SORCS2: variants seen among roughly 807,000 people sequenced by gnomAD.
SORCS2 encodes VPS10 domain-containing receptor SorCS2.
Under a neutral mutation model 141.6 loss-of-function variants are expected in SORCS2, and 100 were observed. The ratio of observed to expected loss-of-function variants is 0.71; its 90% CI spans 0.60 to 0.83. The LOEUF (loss-of-function observed/expected upper bound fraction) is 0.83, where lower values mean the gene tolerates loss of function less well. Ranked by LOEUF, SORCS2 falls within the 40% of genes least tolerant of loss-of-function variation. SORCS2 has a pLI of 0.00. For synonymous variants in SORCS2, 789 were observed against 676.9 expected (o/e 1.17, Z -2.57); for missense variants, 1,646 against 1,560.2 (o/e 1.05, Z -0.93).
intron 3 of SORCS2, among the ~76,000 whole-genome samples, chr4:7,579,172 T>C (rs555117600): frequency 1.3e-5 from 2 of 152,368 alleles, no homozygotes; most frequent in African/African-American, 4.8e-5. Flanking sequence ...CATACTTTTG[T>C]GTTTCTTCAA....
intron 1 of SORCS2, among the ~76,000 whole-genome samples, chr4:7,259,858 A>T (rs1714198060): frequency 6.6e-6 from 1 of 152,216 alleles, no homozygotes; most frequent in Admixed American, 6.5e-5. Context: ...GGAGGACTGG[A>T]GATTTGCTCA....
In SORCS2 at chr4:7,733,302, TG is replaced by T. The variant is rs1711854284; in HGVS notation, c.3109-19del. Reference sequence around the variant, plus strand: ...GAGCCTCCATGGAGGCCTCACTCACTGTCCCCTCTGTGCTTGCAGAGGCTCG... The same window carrying T: ...GAGCCTCCATGGAGGCCTCACTCACTTCCCCTCTGTGCTTGCAGAGGCTCG... On this transcript the variant is annotated intron_variant, in intron 23 of 26. Coordinates refer to ENST00000507866, the MANE Select transcript of SORCS2 (RefSeq NM_020777.3). 3.3e-6 allele frequency: 5 copies of T among 1,526,312 alleles called. No individual in the cohort carries two copies. The highest frequency in any genetic ancestry group is 4.4e-6 in the Non-Finnish European group (5 of 1,130,402). The allele number at this position is 1,526,312 out of a possible 1,614,324, so 94.5% of individuals were successfully genotyped here. A position where few individuals can be genotyped will look rare whatever the true frequency, so the allele number is the denominator to read the frequency against.
At chr4:7,396,636 C>T (rs1724233851) in intron 2 of SORCS2, among the ~76,000 whole-genome samples, 1 of 152,182 alleles carries the variant, frequency 6.6e-6, no homozygotes, top group Non-Finnish European at 1.5e-5. Flanking sequence ...TTTTTCCTCC[C>T]CGGAGGAGGA....
rs1300348586 is a variant in SORCS2 at position 7,740,493 on chromosome 4, C to T, written c.*229C>T. 12 of 562,460 alleles carry T rather than the reference C, an allele frequency of 2.1e-5. No homozygotes were observed. Among genetic ancestry groups the T allele is most frequent in the African/African-American group, 5.6e-5 (3 of 53,112 alleles). The allele number at this position is 562,460 out of a possible 1,614,324, so 34.8% of individuals were successfully genotyped here. A position where few individuals can be genotyped will look rare whatever the true frequency, so the allele number is the denominator to read the frequency against. ...GACATGGCCCTGCCCCTATGGGACA[C>T]CAGGCCTGACTCAGGCAGGTTCTGC... On this transcript the variant is annotated 3_prime_UTR_variant, in exon 27 of 27. Transcript: ENST00000507866.
intron 1 of SORCS2, among the ~76,000 whole-genome samples, chr4:7,217,752 A>C (rs1484758047): frequency 6.6e-6 from 1 of 152,170 alleles, no homozygotes; most frequent in Non-Finnish European, 1.5e-5. Flanking sequence ...AAAGTCTCCA[A>C]CTGTTAAATA....
In SORCS2 at chr4:7,725,387, C is replaced by T. The variant is rs575941576; in HGVS notation, c.2745+100C>T. 3.4e-6 allele frequency: 5 copies of T among 1,467,336 alleles called. No individual in the cohort carries two copies. In the African/African-American group the frequency reaches 4.2e-5, roughly 12 times the overall value. 90.9% of individuals were successfully genotyped at this position (1,467,336 alleles called of 1,614,324 possible). A position where few individuals can be genotyped will look rare whatever the true frequency, so the allele number is the denominator to read the frequency against. ...GCCCCAGGTTTTCAGCAGAAGGAACCAGTGTAGGGTGCACTCCTCACCCTT... is the reference window on the plus strand; with the variant it reads ...GCCCCAGGTTTTCAGCAGAAGGAACTAGTGTAGGGTGCACTCCTCACCCTT... On this transcript the variant is annotated intron_variant, in intron 20 of 26. Transcript: ENST00000507866.
intron 2 of SORCS2, among the ~76,000 whole-genome samples, chr4:7,529,178 G>C (rs1577702690): frequency 6.6e-6 from 1 of 152,070 alleles, no homozygotes; most frequent in South Asian, 2.1e-4. Context: ...TCCCCAGCCA[G>C]GCACAACCTC....
rs1301316321 is a variant in SORCS2 at position 7,663,763 on chromosome 4, C to T, written c.953-590C>T. The stretch of plus-strand genomic sequence containing the variant: ...GAGGAGGAGGAGGAGGCACCCTTCC[C>T]TTGGTCCCCTTGGATAAATCTTCCT... On this transcript the variant is annotated intron_variant, in intron 6 of 26. Transcript: ENST00000507866. This position sits in a 1 kb window ranked among gnomAD's most constrained non-coding sequence, Gnocchi z 4.8. Among the ~76,000 whole-genome samples the T allele has an allele frequency of 6.6e-6, 1 of 152,172 alleles. No individual in the cohort carries two copies. Among genetic ancestry groups the T allele is most frequent in the Admixed American group, 6.5e-5 (1 of 15,286 alleles).
chr4:7,365,125 C>T (rs1226689587), intron 1 of SORCS2, among the ~76,000 whole-genome samples: 1 of 152,212 alleles, frequency 6.6e-6, no homozygotes, highest in East Asian at 1.9e-4. Context: ...TGTTAGAGAG[C>T]TGAGTGGGTC....
chr4:7,652,581 G>A (rs1026944974), intron 4 of SORCS2, among the ~76,000 whole-genome samples: 3 of 152,044 alleles, frequency 2.0e-5, no homozygotes, highest in Non-Finnish European at 4.4e-5. Flanking sequence ...CAGGTTCCGG[G>A]GCACAGATCC....
chr4:7,636,438 G>A (rs536157793), intron 3 of SORCS2, among the ~76,000 whole-genome samples: 12 of 152,324 alleles, frequency 7.9e-5, no homozygotes, highest in African/African-American at 2.4e-4. Context: ...TTGTAGGATC[G>A]GAGCGGGGGG....
At chr4:7,398,215 A>G (rs1724345107) in intron 2 of SORCS2, among the ~76,000 whole-genome samples, 1 of 152,112 alleles carries the variant, frequency 6.6e-6, no homozygotes, top group Non-Finnish European at 1.5e-5. Context: ...GCCCAAAACC[A>G]CTTACAGGCT....
intron 3 of SORCS2, among the ~76,000 whole-genome samples, chr4:7,590,011 G>T (rs1053350396): frequency 6.6e-6 from 1 of 152,268 alleles, no homozygotes; most frequent in South Asian, 2.1e-4. Context: ...AGAGAGAAAG[G>T]GCTGGAGGAT....
intron 1 of SORCS2, among the ~76,000 whole-genome samples, chr4:7,216,030 T>C (rs1728330295): frequency 6.6e-6 from 1 of 152,196 alleles, no homozygotes; most frequent in South Asian, 2.1e-4. Flanking sequence ...TAAATCTTGC[T>C]ACTGCTCACT....
chr4:7,725,432 TGA>T lies in SORCS2; in HGVS notation c.2745+149_2745+150del, dbSNP rs929145115. On this transcript the variant is annotated intron_variant, in intron 20 of 26. Transcript: ENST00000507866. Reference sequence around the variant, plus strand: ...ACCCTTGGGCCCCTCCTGGGGCAGTTGAGAGGGGCACACCCTCCGTGGGTGCC... The same window carrying T: ...ACCCTTGGGCCCCTCCTGGGGCAGTTGAGGGGCACACCCTCCGTGGGTGCC... The T allele has an allele frequency of 2.5e-6, 3 of 1,221,492 alleles. No homozygotes were observed. The African/African-American group carries it at 4.6e-5, about 19-fold the overall frequency. The allele number at this position is 1,221,492 out of a possible 1,614,324, so 75.7% of individuals were successfully genotyped here.
At chr4:7,346,032 T>C (rs1231702873) in intron 1 of SORCS2, among the ~76,000 whole-genome samples, 1 of 152,224 alleles carries the variant, frequency 6.6e-6, no homozygotes, top group African/African-American at 2.4e-5. Context: ...TTTTTCTGTG[T>C]AGTTTTTCTG....
At chr4:7,368,128 G>A (rs1302193993) in intron 1 of SORCS2, among the ~76,000 whole-genome samples, 1 of 152,196 alleles carries the variant, frequency 6.6e-6, no homozygotes, top group African/African-American at 2.4e-5. Context: ...GGGTGGTGGT[G>A]CTGGGTTGAT....
intron 3 of SORCS2, among the ~76,000 whole-genome samples, chr4:7,584,045 A>G (rs1226459898): frequency 1.3e-5 from 2 of 152,252 alleles, no homozygotes; most frequent in Non-Finnish European, 2.9e-5. Flanking sequence ...GAGATGATGC[A>G]TGTGACTGTG....
intron 2 of SORCS2, among the ~76,000 whole-genome samples, chr4:7,440,937 A>G (rs1727621791): frequency 6.6e-6 from 1 of 152,146 alleles, no homozygotes; most frequent in Non-Finnish European, 1.5e-5. Context: ...CGGTGGAGAG[A>G]CAGACCATGA....
Sources: allele counts gnomAD v4.1 joint callset (sites outside exome capture counted in the v4.1 genomes callset), GRCh38; gene constraint gnomAD v4.1.1; non-coding constraint Gnocchi (gnomAD v3.1); transcripts MANE v1.5; gene names NCBI Gene and HGNC (gene_info 2026-07-23, HGNC 2026-07-21).